The following DCC variants were observed in gnomAD, a reference collection of about 807,000 sequenced individuals.
The protein encoded by DCC is netrin receptor DCC.
DCC carries 58 observed loss-of-function variants against 172.5 expected under a neutral mutation model. The ratio of observed to expected loss-of-function variants is 0.34; its 90% CI spans 0.27 to 0.42. The LOEUF is 0.42. Ranked by LOEUF, DCC falls within the 10% of genes least tolerant of loss-of-function variation. The probability of loss-of-function intolerance (pLI) is 1.00; values close to 1 mark genes in which losing one functional copy is unlikely to be tolerated. For missense variants in DCC, 1,740 were observed against 1,791.0 expected (o/e 0.97, Z 0.51); for synonymous variants, 709 against 644.5 (o/e 1.10, Z -1.52).
chr18:52,716,965 T>A (rs7235051), intron 1 of DCC, among the ~76,000 whole-genome samples: 140,687 of 152,270 alleles, frequency 0.92, 65,446 homozygotes, highest in East Asian at 1. Flanking sequence ...GTGACCAAGA[T>A]CCAAAATATT....
At chr18:52,347,915 CATG>C (rs1253407373) in intron 1 of DCC, among the ~76,000 whole-genome samples, 1 of 152,008 alleles carries the variant, frequency 6.6e-6, no homozygotes, top group Non-Finnish European at 1.5e-5. Flanking sequence ...AATTCATGAT[CATG>C]ATAACAATAA....
At chr18:52,936,235 A>C in intron 5 of DCC, among the ~76,000 whole-genome samples, 1 of 57,346 alleles carries the variant, frequency 1.7e-5, no homozygotes, top group South Asian at 3.2e-4. Context: ...GGTATGCAAA[A>C]TTAAGTGCAA....
intron 1 of DCC, among the ~76,000 whole-genome samples, chr18:52,517,127 C>T (rs2031667731): frequency 6.6e-6 from 1 of 152,180 alleles, no homozygotes; most frequent in Non-Finnish European, 1.5e-5. Context: ...ATAAGTGACA[C>T]CCAACCTCCG....
chr18:53,242,943 C>T (rs1234624451), intron 12 of DCC, among the ~76,000 whole-genome samples: 1 of 151,922 alleles, frequency 6.6e-6, no homozygotes, highest in Non-Finnish European at 1.5e-5. Flanking sequence ...TGCAAGCTCT[C>T]ACTTGTCAGT....
At chr18:53,309,962 G>GTATATATATATATA (rs5825007) in intron 13 of DCC, among the ~76,000 whole-genome samples, 1,354 of 133,156 alleles carry the variant, frequency 0.01, 15 homozygotes, top group East Asian at 0.047. Flanking sequence ...ATATACGTGT[G>GTATATATATATATA]TGTATATATA....
intron 19 of DCC, among the ~76,000 whole-genome samples, chr18:53,405,495 A>C (rs978703274): frequency 6.6e-6 from 1 of 152,210 alleles, no homozygotes; most frequent in Non-Finnish European, 1.5e-5. Flanking sequence ...CCCAGTGGGC[A>C]CTGACACGAA....
At chr18:53,103,106 T>G (rs1213860947) in intron 7 of DCC, among the ~76,000 whole-genome samples, 1 of 152,074 alleles carries the variant, frequency 6.6e-6, no homozygotes, top group South Asian at 2.1e-4. Flanking sequence ...ATTCAGTGAT[T>G]TCTTATTGAG....
chr18:52,490,415 G>T (rs1212878936), intron 1 of DCC, among the ~76,000 whole-genome samples: 3 of 152,054 alleles, frequency 2.0e-5, no homozygotes, highest in Non-Finnish European at 4.4e-5. Flanking sequence ...CTTAGGGTGA[G>T]AATTAGCTTT....
At chr18:53,307,157 CA>C (rs2057210488) in intron 13 of DCC, among the ~76,000 whole-genome samples, 1 of 151,998 alleles carries the variant, frequency 6.6e-6, no homozygotes. Flanking sequence ...GCATAATGGC[CA>C]GAGCACTTCC....
At chr18:53,462,429 T>C (rs2045570568) in intron 24 of DCC, among the ~76,000 whole-genome samples, 1 of 151,808 alleles carries the variant, frequency 6.6e-6, no homozygotes, top group Admixed American at 6.6e-5. Context: ...TGCACGCTCC[T>C]TATAAGAATC....
intron 1 of DCC, among the ~76,000 whole-genome samples, chr18:52,386,455 G>T (rs2144336609): frequency 6.6e-6 from 1 of 152,132 alleles, no homozygotes; most frequent in East Asian, 1.9e-4. Context: ...TTTTTCTTGA[G>T]TAATATTTCC....
At chr18:52,989,232 T>C (rs1210436078) in intron 5 of DCC, among the ~76,000 whole-genome samples, 1 of 152,126 alleles carries the variant, frequency 6.6e-6, no homozygotes, top group Non-Finnish European at 1.5e-5. Context: ...TTTATAAGAT[T>C]GTTTCCTTGG....
chr18:53,396,484 C>A (rs1908953191), intron 17 of DCC, among the ~76,000 whole-genome samples: 1 of 152,136 alleles, frequency 6.6e-6, no homozygotes, highest in Non-Finnish European at 1.5e-5. Context: ...TTCAATAATA[C>A]CAACACCACT....
intron 1 of DCC, among the ~76,000 whole-genome samples, chr18:52,405,859 G>A (rs28832611): frequency 0.63 from 95,238 of 150,332 alleles, 30,373 homozygotes; most frequent in Non-Finnish European, 0.68. Context: ...AGCCTGCATC[G>A]CGAAGTCAAT....
chr18:53,060,302 G>T (rs1168086575), intron 5 of DCC, among the ~76,000 whole-genome samples: 1 of 152,048 alleles, frequency 6.6e-6, no homozygotes, highest in African/African-American at 2.4e-5. Context: ...CCAAAGTGTG[G>T]CTGAGCCACA....
chr18:53,114,660 T>C (rs2043385054), intron 7 of DCC, among the ~76,000 whole-genome samples: 1 of 150,946 alleles, frequency 6.6e-6, no homozygotes, highest in African/African-American at 2.4e-5. Context: ...CAAAGTAGAG[T>C]GGTGGGTTAT....
At chr18:52,711,310 C>T (rs1031865878) in intron 1 of DCC, among the ~76,000 whole-genome samples, 23 of 152,220 alleles carry the variant, frequency 1.5e-4, no homozygotes, top group African/African-American at 5.5e-4. Flanking sequence ...TCACCGCAAC[C>T]TCTGCCTCCC....
At chr18:53,364,448 A>G (rs1599068207) in intron 15 of DCC, among the ~76,000 whole-genome samples, 1 of 152,050 alleles carries the variant, frequency 6.6e-6, no homozygotes, top group Admixed American at 6.6e-5. Flanking sequence ...ATTTTTATGG[A>G]TTTTCTCATG....
At chr18:53,525,608 G>A (rs2046446105) in intron 27 of DCC, among the ~76,000 whole-genome samples, 1 of 152,008 alleles carries the variant, frequency 6.6e-6, no homozygotes. Flanking sequence ...CTATTTATCT[G>A]ATTGTAGAGT....
Sources: allele counts gnomAD v4.1 joint callset (sites outside exome capture counted in the v4.1 genomes callset), GRCh38; gene constraint gnomAD v4.1.1; transcripts MANE v1.5; gene names NCBI Gene and HGNC (gene_info 2026-07-23, HGNC 2026-07-21).